The following ABCC11 variants were observed in gnomAD, a reference collection of about 807,000 sequenced individuals.
ABCC11 encodes the protein ATP binding cassette subfamily C member 11.
ABCC11 carries 135 observed loss-of-function variants against 149.3 expected under a neutral mutation model. That is an observed-to-expected ratio of 0.90 (90% CI 0.79 to 1.04). The LOEUF (loss-of-function observed/expected upper bound fraction) is 1.04. ABCC11 is among the 50% of genes least tolerant of loss of function. The probability of loss-of-function intolerance (pLI) is 0.00; values close to 1 mark genes in which losing one functional copy is unlikely to be tolerated. For synonymous variants in ABCC11, 665 were observed against 671.4 expected (o/e 0.99, Z 0.15); for missense variants, 1,680 against 1,722.1 (o/e 0.98, Z 0.43).
chr16:48,196,135 C>T (rs956451805), intron 18 of ABCC11, 97 bp downstream of exon 18: 12 of 1,254,032 alleles, frequency 9.6e-6, no homozygotes, highest in African/African-American at 6.0e-5. Flanking sequence ...TCCTCTGGAC[C>T]TCTCTACTTC....
At chr16:48,199,376 T>C (rs1275510957) in intron 15 of ABCC11, among the ~76,000 whole-genome samples, 1 of 151,908 alleles carries the variant, frequency 6.6e-6, no homozygotes, top group Non-Finnish European at 1.5e-5. Flanking sequence ...CTAAACCTTG[T>C]TTAGGTCTTA....
At chr16:48,236,516 A>G (rs1970697644) in intron 1 of ABCC11, among the ~76,000 whole-genome samples, 1 of 152,182 alleles carries the variant, frequency 6.6e-6, no homozygotes, top group Admixed American at 6.6e-5. Context: ...GAAACCAGGG[A>G]CCTTGTCTGT....
At chr16:48,203,750 C>T (rs1968199742) in intron 13 of ABCC11, among the ~76,000 whole-genome samples, 1 of 152,132 alleles carries the variant, frequency 6.6e-6, no homozygotes, top group Non-Finnish European at 1.5e-5. Flanking sequence ...TGCCTGTAGT[C>T]CCAGCTACTT....
At position 48,184,695 on chromosome 16, in the gene ABCC11, A is replaced by G. The variant is rs2150759169; in HGVS notation, c.3072-69T>C. 8 of 1,492,896 alleles carry G rather than the reference A, an allele frequency of 5.4e-6. No homozygotes were observed. The East Asian group carries it at 9.3e-5, about 17-fold the overall frequency. The allele number at this position is 1,492,896 out of a possible 1,614,324, so 92.5% of individuals were successfully genotyped here. A position where few individuals can be genotyped will look rare whatever the true frequency, so the allele number is the denominator to read the frequency against. On this transcript the variant is annotated intron_variant, in intron 22 of 29. Transcript: ENST00000356608. The stretch of plus-strand genomic sequence containing the variant: ...CTAGGGTCTCCCCGGGTCAGGGTAG[A>G]TACCGGCTGCTTCCTCCAGCATCCA...
chr16:48,192,580 C>T lies in ABCC11; in HGVS notation c.2646G>A (p.Gly882=). The change falls in exon 20 of 30, where the codon GGG becomes GGA. Residue 882 remains glycine (G), a synonymous_variant. Transcript: ENST00000356608. ...CCTTCCTCGTGACCTTGGTGAAAAT[C>T]CCTGAGGAGCAGACCCCCACACAGA... ...LLICVGVCSS[G]IFTKVTRKAS... 1 of 1,614,270 alleles carries T rather than the reference C, an allele frequency of 6.2e-7. No homozygotes were observed. The highest frequency in any genetic ancestry group is 8.5e-7 in the Non-Finnish European group (1 of 1,180,056).
In ABCC11 at chr16:48,178,623, C is replaced by T. The variant is rs372287881; in HGVS notation, c.3322G>A (p.Val1108Ile). ...TTCATGTACTGCAGTATCCTCTCTA[C>T]AGCCGTGAACTGTGCCTCTGTCTCC... ...GLETEAQFTA[V>I]ERILQYMKMC... The change falls in exon 24 of 30, where the codon GTA becomes ATA. Residue 1108 changes from valine (V) to isoleucine (I), a missense_variant. Val to Ile is a conservative substitution (Grantham distance 29). Coordinates refer to ENST00000356608, the MANE Select transcript of ABCC11 (RefSeq NM_001370497.1). 5.0e-6 allele frequency: 8 copies of T among 1,614,048 alleles called. No individual in the cohort carries two copies. The highest frequency in any genetic ancestry group is 1.6e-4 in the Middle Eastern group (1 of 6,084).
chr16:48,244,299 C>G (rs1467786504), intron 1 of ABCC11: 2 of 918,116 alleles, frequency 2.2e-6, no homozygotes, highest in Non-Finnish European at 1.5e-6. Flanking sequence ...GGCGTGGAGG[C>G]GGGTCTGAGG....
chr16:48,205,451 C>T lies in ABCC11; in HGVS notation c.1767G>A (p.Arg589=). The T allele has an allele frequency of 1.2e-6, 2 of 1,614,194 alleles. No homozygotes were observed. The highest frequency in any genetic ancestry group is 1.6e-4 in the Middle Eastern group (1 of 6,062). Residue 589 remains arginine (R), a synonymous_variant, in exon 13 of 30, where the codon AGG becomes AGA. Transcript: ENST00000356608. ...QQAWIVSGNI[R]ENILMGGAYD... ...ATGCGCCTCCCATGAGGATGTTCTC[C>T]CTGATGTTCCCGCTGACGATCCAGG...
At position 48,170,870 on chromosome 16, in the gene ABCC11, G is replaced by T; in HGVS notation, c.3777+19C>A. 6.2e-7 allele frequency: 1 copy of T among 1,603,062 alleles called. No individual in the cohort carries two copies. The highest frequency in any genetic ancestry group is 8.5e-7 in the Non-Finnish European group (1 of 1,170,026). On this transcript the variant is annotated intron_variant, in intron 27 of 29. Coordinates refer to ENST00000356608, the MANE Select transcript of ABCC11 (RefSeq NM_001370497.1). Reference sequence around the variant, plus strand: ...GCGATGCAGACTTAGACCAAGACTTGGGCCTTGGAGCTACTTACGGCCTTG... The same window carrying T: ...GCGATGCAGACTTAGACCAAGACTTTGGCCTTGGAGCTACTTACGGCCTTG...
chr16:48,242,716 A>G (rs995827793), intron 1 of ABCC11, among the ~76,000 whole-genome samples: 1 of 152,264 alleles, frequency 6.6e-6, no homozygotes, highest in Non-Finnish European at 1.5e-5. Context: ...CTATGCAGCC[A>G]TAAAAAAGGA....
chr16:48,246,211 C>A (rs11076559), intron 1 of ABCC11, among the ~76,000 whole-genome samples: 6,935 of 152,216 alleles, frequency 0.046, 224 homozygotes, highest in Middle Eastern at 0.14. Context: ...TTGATTTTCT[C>A]AAGCATGGAA....
chr16:48,218,861 G>C (rs1296834665), intron 6 of ABCC11, among the ~76,000 whole-genome samples: 1 of 152,136 alleles, frequency 6.6e-6, no homozygotes, highest in African/African-American at 2.4e-5. Context: ...CCAGTCTTGG[G>C]TATGTTTTTA....
intron 23 of ABCC11, among the ~76,000 whole-genome samples, chr16:48,180,207 T>C (rs1966341896): frequency 6.6e-6 from 1 of 152,222 alleles, no homozygotes; most frequent in Non-Finnish European, 1.5e-5. Flanking sequence ...ATTCTGGCCG[T>C]TGAAGGATGA....
chr16:48,189,803 G>A (rs1966855887), intron 20 of ABCC11, among the ~76,000 whole-genome samples: 1 of 152,150 alleles, frequency 6.6e-6, no homozygotes, highest in South Asian at 2.1e-4. Context: ...TATCTGAGAG[G>A]TGGGGAAAAG....
intron 19 of ABCC11, among the ~76,000 whole-genome samples, chr16:48,193,405 T>C (rs1332177961): frequency 6.6e-6 from 1 of 152,174 alleles, no homozygotes; most frequent in East Asian, 1.9e-4. Context: ...GGCAGGTTCT[T>C]CATCCTCTCT....
intron 4 of ABCC11, among the ~76,000 whole-genome samples, chr16:48,227,570 G>A (rs762793292): frequency 3.3e-4 from 50 of 151,924 alleles, no homozygotes; most frequent in Admixed American, 7.2e-4. Context: ...GATAAGAGAT[G>A]TGAATTCTTG....
At chr16:48,237,623 A>T (rs1290698941) in intron 1 of ABCC11, among the ~76,000 whole-genome samples, 3 of 152,134 alleles carry the variant, frequency 2.0e-5, no homozygotes, top group Non-Finnish European at 2.9e-5. Context: ...CCTCAACTTG[A>T]TCTCTCCCAT....
chr16:48,193,793 T>C, intron 19 of ABCC11, 86 bp downstream of exon 19: 1 of 1,122,372 alleles, frequency 8.9e-7, no homozygotes. Flanking sequence ...AGCCATGCTC[T>C]GGCTCTTGTG....
At chr16:48,185,238 C>T (rs1307332443) in intron 22 of ABCC11, among the ~76,000 whole-genome samples, 1 of 152,036 alleles carries the variant, frequency 6.6e-6, no homozygotes, top group African/African-American at 2.4e-5. Flanking sequence ...ATCTGTATAC[C>T]CTCTAATGAA....
Sources: gnomAD v4.1 joint callset for allele counts (sites outside exome capture counted in the v4.1 genomes callset) on GRCh38, gnomAD v4.1.1 for gene constraint, MANE v1.5 for transcripts, NCBI Gene and HGNC (gene_info 2026-07-23, HGNC 2026-07-21) for gene names.